TRPM3: variants seen among roughly 807,000 people sequenced by gnomAD.
The protein encoded by TRPM3 is long transient receptor potential channel 3.
A neutral mutation model predicts 181.2 loss-of-function variants in TRPM3; 77 were observed. The observed-to-expected ratio is 0.42, with a 90% CI of 0.35 to 0.51. The LOEUF is 0.51. Ranked by LOEUF, TRPM3 falls within the 20% of genes least tolerant of loss-of-function variation. The probability of loss-of-function intolerance (pLI) is 0.01; values close to 1 mark genes in which losing one functional copy is unlikely to be tolerated. For synonymous variants in TRPM3, 745 were observed against 796.4 expected (o/e 0.94, Z 1.09); for missense variants, 1,759 against 2,196.7 (o/e 0.80, Z 3.98).
At chr9:70,808,863 T>C (rs1452245705) in intron 6 of TRPM3, among the ~76,000 whole-genome samples, 1 of 152,226 alleles carries the variant, frequency 6.6e-6, no homozygotes, top group Non-Finnish European at 1.5e-5. Context: ...GAACAGATTG[T>C]AGCACCCACA....
At chr9:70,753,608 G>A (rs2076560908) in intron 8 of TRPM3, among the ~76,000 whole-genome samples, 1 of 152,134 alleles carries the variant, frequency 6.6e-6, no homozygotes, top group African/African-American at 2.4e-5. Context: ...AAGGCACAAG[G>A]TAAAGAAAAC....
rs1587966223 is a variant in TRPM3 at position 70,535,543 on chromosome 9, A to C, written c.*410T>G. 43 of 1,544,124 alleles carry C rather than the reference A, an allele frequency of 2.8e-5. 2 individuals carry two copies. In the South Asian group the frequency reaches 5.0e-4, roughly 18 times the overall value. On this transcript the variant is annotated 3_prime_UTR_variant, in exon 26 of 26. Transcript: ENST00000677713. Reference sequence around the variant, plus strand: ...TTGTGTACGCTGGCTATTTTATTTTATTTTGCAATTTAGCCCTGCATCCTA... The same window carrying C: ...TTGTGTACGCTGGCTATTTTATTTTCTTTTGCAATTTAGCCCTGCATCCTA...
chr9:70,609,341 T>G (rs1436074614), intron 19 of TRPM3, among the ~76,000 whole-genome samples: 1 of 152,196 alleles, frequency 6.6e-6, no homozygotes, highest in Admixed American at 6.5e-5. Flanking sequence ...CATGCCTCAG[T>G]TATTTTTGGG....
At chr9:71,402,211 C>T (rs560725140) in intron 1 of TRPM3, among the ~76,000 whole-genome samples, 1 of 152,298 alleles carries the variant, frequency 6.6e-6, no homozygotes, top group South Asian at 2.1e-4. Flanking sequence ...ATATCGAGTT[C>T]ACTTGTATGT....
At chr9:70,802,258 A>G (rs2089324435) in intron 6 of TRPM3, among the ~76,000 whole-genome samples, 1 of 152,228 alleles carries the variant, frequency 6.6e-6, no homozygotes, top group South Asian at 2.1e-4. Context: ...TTTTTCCAGA[A>G]GTCTATTTTA....
At chr9:71,193,848 C>A (rs1185363187) in intron 1 of TRPM3, among the ~76,000 whole-genome samples, 2 of 152,022 alleles carry the variant, frequency 1.3e-5, no homozygotes, top group East Asian at 1.9e-4. Flanking sequence ...CTTCCTGTAA[C>A]TGGAGTTCAA....
chr9:71,158,768 C>A (rs1026565488), intron 1 of TRPM3, among the ~76,000 whole-genome samples: 6 of 152,168 alleles, frequency 3.9e-5, no homozygotes, highest in African/African-American at 1.4e-4. Flanking sequence ...AAGAGATTGG[C>A]ATTTGAATTT....
chr9:71,441,630 CTTTTTTT>C (rs559254034), intron 1 of TRPM3, among the ~76,000 whole-genome samples: 2 of 114,604 alleles, frequency 1.7e-5, no homozygotes, highest in Admixed American at 8.8e-5. Flanking sequence ...TTTGACTCGG[CTTTTTTT>C]TTTTTTTTTT....
At chr9:70,597,229 G>C (rs536021501) in intron 21 of TRPM3, among the ~76,000 whole-genome samples, 2 of 151,938 alleles carry the variant, frequency 1.3e-5, no homozygotes, top group Non-Finnish European at 2.9e-5. Context: ...CACCATGCCC[G>C]GCCCTAATTT....
chr9:70,752,366 G>C (rs2076347301), intron 8 of TRPM3, among the ~76,000 whole-genome samples: 1 of 152,132 alleles, frequency 6.6e-6, no homozygotes, highest in South Asian at 2.1e-4. Context: ...CATCTACATG[G>C]ATCTCCACTT....
chr9:71,240,012 T>A (rs2131960025), intron 1 of TRPM3, among the ~76,000 whole-genome samples: 1 of 152,312 alleles, frequency 6.6e-6, no homozygotes, highest in African/African-American at 2.4e-5. Flanking sequence ...TCACAACATT[T>A]GCAACCTAAG....
At chr9:71,286,314 T>C (rs567286855) in intron 1 of TRPM3, among the ~76,000 whole-genome samples, 1 of 152,316 alleles carries the variant, frequency 6.6e-6, no homozygotes, top group East Asian at 1.9e-4. Flanking sequence ...GGCATGTAAT[T>C]TATTTGGATT....
intron 1 of TRPM3, among the ~76,000 whole-genome samples, chr9:71,153,341 G>C (rs1238496563): frequency 1.4e-5 from 2 of 148,036 alleles, no homozygotes; most frequent in Admixed American, 6.7e-5. Flanking sequence ...ATCCAGGCTG[G>C]AGGGCAGTGG....
At chr9:70,549,291 C>A (rs989095682) in intron 25 of TRPM3, among the ~76,000 whole-genome samples, 1 of 152,200 alleles carries the variant, frequency 6.6e-6, no homozygotes, top group African/African-American at 2.4e-5. Flanking sequence ...GCCTGTCCTG[C>A]ACTCAAAATT....
At chr9:71,068,894 A>G (rs567814020) in intron 1 of TRPM3, among the ~76,000 whole-genome samples, 45 of 152,344 alleles carry the variant, frequency 3.0e-4, no homozygotes, top group African/African-American at 1.0e-3. Flanking sequence ...TGCTTCCATC[A>G]TGGTGGTATA....
intron 6 of TRPM3, among the ~76,000 whole-genome samples, chr9:70,804,331 G>C (rs1588585446): frequency 6.6e-6 from 1 of 151,896 alleles, no homozygotes; most frequent in Non-Finnish European, 1.5e-5. Flanking sequence ...AACAAACAAA[G>C]AAACAAAACA....
In TRPM3 at chr9:70,989,406, C is replaced by T. The variant is rs371687053; in HGVS notation, c.178-124895G>A. Among the ~76,000 whole-genome samples, 29 of 152,306 alleles carry T rather than the reference C, an allele frequency of 1.9e-4. No homozygotes were observed. In the South Asian group the frequency reaches 5.4e-3, roughly 28 times the overall value. ...TTGTAATAAATCCTCTACAGTGAAA[C>T]AACCTTCCTATCTTGCCCACAGGCT... On this transcript the variant is annotated intron_variant, in intron 1 of 25. Transcript: ENST00000677713.
chr9:71,376,946 G>C (rs2092681454), intron 1 of TRPM3, among the ~76,000 whole-genome samples: 1 of 151,952 alleles, frequency 6.6e-6, no homozygotes. Flanking sequence ...TGGAAGAATA[G>C]ACTTTGAAAT....
chr9:71,215,026 C>CA (rs1484360579), intron 1 of TRPM3, among the ~76,000 whole-genome samples: 5 of 15,232 alleles, frequency 3.3e-4, no homozygotes, highest in African/African-American at 8.8e-4. Context: ...TCTGCCTCAC[C>CA]AAAAAACAAA....
Sources: gnomAD v4.1 joint callset for allele counts (sites outside exome capture counted in the v4.1 genomes callset) on GRCh38, gnomAD v4.1.1 for gene constraint, MANE v1.5 for transcripts, NCBI Gene and HGNC (gene_info 2026-07-23, HGNC 2026-07-21) for gene names.